LARS2: variants seen among roughly 807,000 people sequenced by gnomAD.
LARS2 encodes leucyl-tRNA synthetase 2, mitochondrial, also known as leucine--tRNA ligase, mitochondrial.
In LARS2, 81 loss-of-function variants were observed where a neutral mutation model predicts 116.6. The ratio of observed to expected loss-of-function variants is 0.69; its 90% confidence interval spans 0.58 to 0.84. LARS2 has a LOEUF of 0.84. LARS2 is among the 40% of genes least tolerant of loss of function. The pLI, the probability that LARS2 is intolerant of heterozygous loss-of-function variation, is 0.00. For missense variants in LARS2, 968 were observed against 1,114.5 expected, an observed-to-expected ratio of 0.87 and a Z score of 1.87; for synonymous variants, 396 against 407.2, an observed-to-expected ratio of 0.97 and a Z score of 0.33.
intron 20 of LARS2, chr3:45,541,463 C>T (rs1006146976): frequency 9.7e-5 from 19 of 196,230 alleles, no homozygotes; most frequent in South Asian, 4.2e-4. Flanking sequence ...AGATAGGTAG[C>T]GAATGCTGCT....
chr3:45,400,185 T>G (rs534507364), intron 3 of LARS2, 60 bp from the exon 4 acceptor site: 2 of 1,476,474 alleles, frequency 1.4e-6, no homozygotes, highest in African/African-American at 1.4e-5. Flanking sequence ...CAAAATATTA[T>G]GTATACATGC....
At chr3:45,498,608 C>G (rs565488607) in intron 14 of LARS2, among the ~76,000 whole-genome samples, 4 of 152,350 alleles carry the variant, frequency 2.6e-5, no homozygotes, top group African/African-American at 9.6e-5. Flanking sequence ...CCAGCCAAGT[C>G]TATCCTGGGG....
At chr3:45,439,210 C>CT (rs575140221) in intron 6 of LARS2, among the ~76,000 whole-genome samples, 5,473 of 62,424 alleles carry the variant, frequency 0.088, 1,588 homozygotes, top group East Asian at 0.14. Context: ...GAAACTCTGG[C>CT]TTTTTTTTTT....
chr3:45,528,126 C>T (rs1479404392), intron 20 of LARS2, among the ~76,000 whole-genome samples: 1 of 152,134 alleles, frequency 6.6e-6, no homozygotes, highest in Non-Finnish European at 1.5e-5. Flanking sequence ...CACTTGAGCC[C>T]AAGAGTTCAA....
intron 2 of LARS2, among the ~76,000 whole-genome samples, chr3:45,393,808 A>C (rs893049005): frequency 6.6e-6 from 1 of 152,182 alleles, no homozygotes; most frequent in Non-Finnish European, 1.5e-5. Context: ...TGAGTGAAAG[A>C]GCAGGACCCT....
intron 14 of LARS2, 56 bp downstream of exon 14, chr3:45,496,429 G>A (rs1041596005): frequency 1.7e-5 from 22 of 1,259,616 alleles, no homozygotes; most frequent in Middle Eastern, 1.9e-4. Context: ...CCTCCTAGAA[G>A]CAAAGACCAA....
chr3:45,480,323 CCT>C (rs1317567969), intron 10 of LARS2, among the ~76,000 whole-genome samples: 1 of 152,186 alleles, frequency 6.6e-6, no homozygotes, highest in Non-Finnish European at 1.5e-5. Context: ...ACCACGGAGC[CCT>C]GTTTCCATGC....
intron 17 of LARS2, among the ~76,000 whole-genome samples, chr3:45,516,576 A>G (rs369560061): frequency 2.0e-5 from 3 of 152,310 alleles, no homozygotes; most frequent in African/African-American, 7.2e-5. Flanking sequence ...GAACAAGCTC[A>G]GCGGTGATTC....
At chr3:45,390,099 AGGT>A (rs552818948) in intron 1 of LARS2, among the ~76,000 whole-genome samples, 157 of 150,950 alleles carry the variant, frequency 1.0e-3, no homozygotes, top group African/African-American at 3.7e-3. Context: ...CCCCAAAAAA[AGGT>A]GGAATCAGTT....
chr3:45,521,223 T>C (rs528728768), intron 19 of LARS2, among the ~76,000 whole-genome samples: 1 of 152,282 alleles, frequency 6.6e-6, no homozygotes, highest in Admixed American at 6.5e-5. Flanking sequence ...GAGAATGGTG[T>C]GAACCCAGGT....
At chr3:45,494,506 G>A (rs1283868626) in intron 13 of LARS2, among the ~76,000 whole-genome samples, 5 of 152,262 alleles carry the variant, frequency 3.3e-5, no homozygotes, top group East Asian at 1.9e-4. Flanking sequence ...TTGGAGGGGC[G>A]ATGAGCTTCA....
rs144883798 is a variant in LARS2, at chr3:45,541,856, G to T, written c.2432G>T (p.Cys811Phe). The change falls in exon 21 of 22, where the codon TGT (cysteine) becomes TTT (phenylalanine). Residue 811 changes from cysteine to phenylalanine, a missense_variant. Cys to Phe is a radical substitution (Grantham distance 205, BLOSUM62 -2). Coordinates refer to ENST00000645846, the MANE Select transcript of LARS2 (RefSeq NM_015340.4). ...CTGGCGCTGGTGCCGAGGAAGCTCT[G>T]TGCCCACTACACTTGGGATGCCAGT... ...AGLALVPRKL[C>F]AHYTWDASVL... The T allele has an allele frequency of 5.6e-6, 9 of 1,614,088 alleles. No individual in the cohort carries two copies. The highest frequency in any genetic ancestry group is 2.7e-5 in the African/African-American group (2 of 74,944).
At chr3:45,481,744 T>TCTAGATA (rs1699706752) in intron 10 of LARS2, among the ~76,000 whole-genome samples, 1 of 152,198 alleles carries the variant, frequency 6.6e-6, no homozygotes, top group African/African-American at 2.4e-5. Context: ...TTTTATATAT[T>TCTAGATA]CTAGATACTA....
chr3:45,477,876 T>A (rs1284944572), intron 10 of LARS2, among the ~76,000 whole-genome samples: 1 of 152,216 alleles, frequency 6.6e-6, no homozygotes, highest in Non-Finnish European at 1.5e-5. Flanking sequence ...GTCATCCCAA[T>A]TTCTCTCTGC....
chr3:45,400,112 C>A, intron 3 of LARS2, 133 bp from the exon 4 acceptor site: 1 of 848,798 alleles, frequency 1.2e-6, no homozygotes, highest in Non-Finnish European at 1.7e-6. Context: ...GATTTACATT[C>A]TGGGAACACT....
intron 10 of LARS2, among the ~76,000 whole-genome samples, chr3:45,478,512 G>A (rs1384927475): frequency 6.6e-6 from 1 of 152,184 alleles, no homozygotes; most frequent in African/African-American, 2.4e-5. Context: ...GTAGGAAATG[G>A]AGAAATTTTT....
intron 21 of LARS2, among the ~76,000 whole-genome samples, chr3:45,543,929 T>C (rs1341229979): frequency 1.3e-5 from 2 of 152,156 alleles, no homozygotes; most frequent in South Asian, 2.1e-4. Context: ...AGAAAAGAAA[T>C]TGAGTTTTGA....
At chr3:45,527,867 G>A (rs971939567) in intron 20 of LARS2, among the ~76,000 whole-genome samples, 2 of 152,120 alleles carry the variant, frequency 1.3e-5, no homozygotes, top group Non-Finnish European at 1.5e-5. Context: ...CATTTGTGTT[G>A]AACAGGAGAA....
At position 45,511,867 on chromosome 3, in the gene LARS2, T is replaced by C. The variant is rs572587603; in HGVS notation, c.1761-1268T>C. Among the ~76,000 whole-genome samples, 270 of 135,876 alleles carry C rather than the reference T, an allele frequency of 2.0e-3. 1 individual carries two copies. Among genetic ancestry groups the C allele is most frequent in the Admixed American group, 3.5e-3 (40 of 11,280 alleles). 89.1% of individuals were successfully genotyped at this position (135,876 alleles called of 152,430 possible). A position where few individuals can be genotyped will look rare whatever the true frequency, so the allele number is the denominator to read the frequency against. On this transcript the variant is annotated intron_variant, in intron 15 of 21. Coordinates refer to ENST00000645846, the MANE Select transcript of LARS2 (RefSeq NM_015340.4). ...ATCTCGGCCCACTGCAACCTCCGCTTCCTGGGCTCAAGCAACCCCTGCCTC... is the reference window on the plus strand; with the variant it reads ...ATCTCGGCCCACTGCAACCTCCGCTCCCTGGGCTCAAGCAACCCCTGCCTC...
Sources: allele counts gnomAD v4.1 joint callset (sites outside exome capture counted in the v4.1 genomes callset), GRCh38; gene constraint gnomAD v4.1.1; transcripts MANE v1.5; gene names NCBI Gene and HGNC (gene_info 2026-07-23, HGNC 2026-07-21).